Variants in PCED1B observed in about 807,000 individuals in gnomAD.
PCED1B encodes the protein PC-esterase domain-containing protein 1B.
For synonymous variants in PCED1B, 251 were observed against 246.1 expected (o/e 1.02, Z -0.19); for missense variants, 573 against 573.9 (o/e 1.00, Z 0.02).
At chr12:47,232,983 C>A (rs1190436598) in intron 3 of PCED1B, among the ~76,000 whole-genome samples, 1 of 151,594 alleles carries the variant, frequency 6.6e-6, no homozygotes, top group Admixed American at 6.6e-5. Context: ...GTGGCCCAGG[C>A]GGGAGTGAAG....
intron 1 of PCED1B, among the ~76,000 whole-genome samples, chr12:47,082,324 G>A (rs563191367): frequency 3.7e-4 from 56 of 152,182 alleles, no homozygotes; most frequent in African/African-American, 1.3e-3. Flanking sequence ...TTAAGATAAC[G>A]GTTTACCCCA....
At chr12:47,105,102 G>T (rs1321193084) in intron 2 of PCED1B, among the ~76,000 whole-genome samples, 3 of 152,142 alleles carry the variant, frequency 2.0e-5, no homozygotes, top group African/African-American at 7.2e-5. Context: ...TTCTTTTGCC[G>T]CTTCAGGCTG....
Position 47,216,671 on chromosome 12 carries a change from T to A in PCED1B, c.-76T>A, listed in dbSNP as rs1943268278. On this transcript the variant is annotated 5_prime_UTR_variant, in exon 3 of 4. Coordinates refer to ENST00000546455, the MANE Select transcript of PCED1B (RefSeq NM_138371.3). ...ATCAACTGAGAGAGATGCTTAAAAATCACCAGTTACTTTAATGAGTAAGTA... is the reference window on the plus strand; with the variant it reads ...ATCAACTGAGAGAGATGCTTAAAAAACACCAGTTACTTTAATGAGTAAGTA... 1 of 152,198 alleles carries A rather than the reference T, an allele frequency of 6.6e-6. No homozygotes were observed. Among genetic ancestry groups the A allele is most frequent in the African/African-American group, 2.4e-5 (1 of 41,450 alleles). 9.4% of individuals were successfully genotyped at this position (152,198 alleles called of 1,614,324 possible).
intron 1 of PCED1B, among the ~76,000 whole-genome samples, chr12:47,092,377 C>T (rs968225870): frequency 5.3e-5 from 8 of 151,848 alleles, no homozygotes; most frequent in African/African-American, 7.2e-5. Flanking sequence ...ACTGTATATC[C>T]GGTTCCCTTC....
chr12:47,215,036 G>A (rs1247287305), intron 2 of PCED1B, among the ~76,000 whole-genome samples: 2 of 150,162 alleles, frequency 1.3e-5, no homozygotes, highest in Non-Finnish European at 3.0e-5. Flanking sequence ...ACGGGAACCT[G>A]GGGGTGGTAT....
At chr12:47,149,594 T>C (rs1940915547) in intron 2 of PCED1B, among the ~76,000 whole-genome samples, 1 of 152,100 alleles carries the variant, frequency 6.6e-6, no homozygotes, top group Non-Finnish European at 1.5e-5. Context: ...GAGTGAAGAG[T>C]TAGGAGGAGT....
intron 2 of PCED1B, among the ~76,000 whole-genome samples, chr12:47,114,541 A>C (rs748388457): frequency 3.6e-4 from 55 of 152,190 alleles, no homozygotes; most frequent in Non-Finnish European, 7.3e-4. Flanking sequence ...CTCTTAGCAC[A>C]TAAGCACATG....
chr12:47,215,108 T>C (rs562878431), intron 2 of PCED1B, among the ~76,000 whole-genome samples: 3 of 152,106 alleles, frequency 2.0e-5, no homozygotes, highest in African/African-American at 7.2e-5. Flanking sequence ...CTCTCTCTCT[T>C]TTTTTTCTGA....
intron 2 of PCED1B, among the ~76,000 whole-genome samples, chr12:47,129,815 G>A (rs1940049264): frequency 1.3e-5 from 2 of 152,354 alleles, no homozygotes; most frequent in South Asian, 4.1e-4. Flanking sequence ...CCAGTGGGGA[G>A]TGGTGTGCCT....
intron 3 of PCED1B, among the ~76,000 whole-genome samples, chr12:47,230,362 G>T (rs992944346): frequency 3.3e-5 from 5 of 152,154 alleles, no homozygotes; most frequent in Non-Finnish European, 7.4e-5. Context: ...GGGATCACAG[G>T]CATAAGCCAC....
chr12:47,107,311 T>C (rs1426419248), intron 2 of PCED1B, among the ~76,000 whole-genome samples: 1 of 151,054 alleles, frequency 6.6e-6, no homozygotes, highest in Non-Finnish European at 1.5e-5. Flanking sequence ...CCTGTATCCA[T>C]GAACCATTGT....
intron 2 of PCED1B, among the ~76,000 whole-genome samples, chr12:47,178,866 CAA>C (rs35135157): frequency 1.8e-4 from 15 of 81,254 alleles, no homozygotes; most frequent in Admixed American, 1.4e-4. Context: ...GACTCCATCT[CAA>C]AAAAAAAAAA....
intron 2 of PCED1B, among the ~76,000 whole-genome samples, chr12:47,214,342 A>G (rs1256048015): frequency 6.6e-6 from 1 of 152,232 alleles, no homozygotes; most frequent in Non-Finnish European, 1.5e-5. Flanking sequence ...ATAGCATACT[A>G]TTAAAAAAAG....
intron 1 of PCED1B, among the ~76,000 whole-genome samples, chr12:47,101,122 T>C (rs1488983657): frequency 6.6e-6 from 1 of 152,150 alleles, no homozygotes; most frequent in Non-Finnish European, 1.5e-5. Context: ...ATGAAGAATC[T>C]AGTTTATTCC....
rs59400736 is a variant in PCED1B, at chr12:47,146,998, C to CTTTTTTT, written c.-526+42817_-526+42823dup. On this transcript the variant is annotated intron_variant, in intron 2 of 3. Coordinates refer to ENST00000546455, the MANE Select transcript of PCED1B (RefSeq NM_138371.3). ...TCTTTAGATATCCTAGTTCATTGCT[C>CTTTTTTT]TTTTTTTTTTTTTTTTTTTTGAGAT... 1.4e-3 allele frequency among the ~76,000 whole-genome samples: 142 copies of CTTTTTTT among 99,000 alleles called. 5 individuals are homozygous for CTTTTTTT. Among genetic ancestry groups the CTTTTTTT allele is most frequent in the East Asian group, 7.4e-3 (23 of 3,124 alleles). 64.9% of individuals were successfully genotyped at this position (99,000 alleles called of 152,430 possible). A position where few individuals can be genotyped will look rare whatever the true frequency, so the allele number is the denominator to read the frequency against.
chr12:47,170,672 T>C (rs557369986), intron 2 of PCED1B, among the ~76,000 whole-genome samples: 1 of 152,368 alleles, frequency 6.6e-6, no homozygotes, highest in African/African-American at 2.4e-5. Flanking sequence ...AAACTCACTT[T>C]GTTTTAAGCA....
chr12:47,093,959 A>G (rs1417057735), intron 1 of PCED1B, among the ~76,000 whole-genome samples: 2 of 152,066 alleles, frequency 1.3e-5, no homozygotes, highest in East Asian at 1.9e-4. Context: ...TGTGCTGTTT[A>G]TATCTTCTAT....
In PCED1B at chr12:47,235,184, C is replaced by T. The variant is rs766852475; in HGVS notation, c.121C>T (p.Arg41Cys). The T allele has an allele frequency of 3.1e-6, 5 of 1,594,370 alleles. No individual in the cohort carries two copies. Among genetic ancestry groups the T allele is most frequent in the East Asian group, 2.2e-5 (1 of 44,768 alleles). Residue 41 changes from arginine (R) to cysteine (C), a missense_variant, in exon 4 of 4, where the codon CGC (arginine) becomes TGC (cysteine). By Grantham distance (180) the Arg-to-Cys change is radical. Coordinates refer to ENST00000546455, the MANE Select transcript of PCED1B (RefSeq NM_138371.3). ...CCTGGTGCTTCTGCTGCAGAAGGAC[C>T]GCCTGCTCACTCCCGGGCAGCTTAG... ...KDLVLLLQKDRLLTPGQLRAR... is the reference protein window; with the variant it reads ...KDLVLLLQKDCLLTPGQLRAR...
intron 2 of PCED1B, among the ~76,000 whole-genome samples, chr12:47,130,683 T>C (rs1940088556): frequency 6.6e-6 from 1 of 152,142 alleles, no homozygotes; most frequent in Admixed American, 6.6e-5. Context: ...AGTAAGATCC[T>C]GCCTCTAGAA....
Sources: allele counts gnomAD v4.1 joint callset (sites outside exome capture counted in the v4.1 genomes callset), GRCh38; gene constraint gnomAD v4.1.1; transcripts MANE v1.5; gene names NCBI Gene and HGNC (gene_info 2026-07-23, HGNC 2026-07-21).